CDH20: variants seen among roughly 807,000 people sequenced by gnomAD.
The protein encoded by CDH20 is cadherin 20.
CDH20 carries 29 observed loss-of-function variants against 74.2 expected under a neutral mutation model. That is an observed-to-expected ratio of 0.39 (90% CI 0.29 to 0.53). CDH20 has a LOEUF of 0.53. Ranked by LOEUF, CDH20 falls within the 20% of genes least tolerant of loss-of-function variation. The pLI, the probability that CDH20 is intolerant of heterozygous loss-of-function variation, is 0.69. For missense variants in CDH20, 988 were observed against 1,048.3 expected (o/e 0.94, Z 0.79); for synonymous variants, 469 against 405.4 (o/e 1.16, Z -1.88).
At chr18:61,510,465 C>T (rs1849324547) in intron 6 of CDH20, among the ~76,000 whole-genome samples, 2 of 152,202 alleles carry the variant, frequency 1.3e-5, no homozygotes, top group South Asian at 2.1e-4. Flanking sequence ...ACAAAAACCA[C>T]AGTTATAACA....
chr18:61,419,606 C>T (rs1291260612), intron 1 of CDH20, among the ~76,000 whole-genome samples: 1 of 152,108 alleles, frequency 6.6e-6, no homozygotes, highest in Non-Finnish European at 1.5e-5. Context: ...TGTATCTTTT[C>T]CCAATCTGAA....
intron 1 of CDH20, among the ~76,000 whole-genome samples, chr18:61,416,953 T>C (rs1043462682): frequency 1.3e-5 from 2 of 152,218 alleles, no homozygotes; most frequent in Non-Finnish European, 2.9e-5. Flanking sequence ...GTCCAAAATC[T>C]TCTCACATTT....
chr18:61,409,147 T>C (rs1401826797), intron 1 of CDH20, among the ~76,000 whole-genome samples: 1 of 152,200 alleles, frequency 6.6e-6, no homozygotes, highest in Non-Finnish European at 1.5e-5. Context: ...CTCCAACCCA[T>C]TCTGAGCATT....
At chr18:61,403,171 T>C (rs1912213257) in intron 1 of CDH20, among the ~76,000 whole-genome samples, 1 of 152,154 alleles carries the variant, frequency 6.6e-6, no homozygotes, top group African/African-American at 2.4e-5. Context: ...AGGGAAACAA[T>C]TATGAACTCA....
At position 61,353,556 on chromosome 18, in the gene CDH20, C is replaced by T. The variant is rs149692838; in HGVS notation, c.-153+19729C>T. On this transcript the variant is annotated intron_variant, in intron 1 of 11. Coordinates refer to ENST00000262717, the MANE Select transcript of CDH20 (RefSeq NM_031891.4). This position sits in a 1 kb window ranked among gnomAD's most constrained non-coding sequence, Gnocchi z 4.6. ...ACAGCTTTACTTGCTTTTGAATATCCGACAGTGTGTATCACAGTGCTTTGC... is the reference window on the plus strand; with the variant it reads ...ACAGCTTTACTTGCTTTTGAATATCTGACAGTGTGTATCACAGTGCTTTGC... 1.7e-3 allele frequency among the ~76,000 whole-genome samples: 259 copies of T among 152,262 alleles called. No individual in the cohort carries two copies. The highest frequency in any genetic ancestry group is 2.5e-3 in the Non-Finnish European group (173 of 68,026).
At chr18:61,334,487 GA>G (rs1232033236) in intron 1 of CDH20, 1 of 152,422 alleles carries the variant, frequency 6.6e-6, no homozygotes, top group African/African-American at 2.4e-5. Flanking sequence ...GGAAAGCTCT[GA>G]ATTGCGCTCG....
chr18:61,354,211 C>A (rs984868669), intron 1 of CDH20, among the ~76,000 whole-genome samples: 5 of 152,144 alleles, frequency 3.3e-5, no homozygotes, highest in Admixed American at 1.3e-4. Flanking sequence ...TTAGTGAGTG[C>A]TGGTCTCGAC....
chr18:61,407,505 G>T (rs1384382866), intron 1 of CDH20, among the ~76,000 whole-genome samples: 1 of 152,122 alleles, frequency 6.6e-6, no homozygotes, highest in Non-Finnish European at 1.5e-5. Context: ...CTTACAAAAG[G>T]CATGAATTAA....
At chr18:61,397,911 A>C (rs997675745) in intron 1 of CDH20, among the ~76,000 whole-genome samples, 9 of 152,228 alleles carry the variant, frequency 5.9e-5, no homozygotes, top group Non-Finnish European at 1.2e-4. Context: ...ATGATGCCTT[A>C]ATCGTAAGAG....
At chr18:61,513,557 T>G (rs11152298) in intron 6 of CDH20, among the ~76,000 whole-genome samples, 119,538 of 148,372 alleles carry the variant, frequency 0.81, 48,490 homozygotes, top group South Asian at 0.86. Context: ...GTTAGCTGGT[T>G]ATTTTGCTCG....
At chr18:61,447,508 G>A (rs17748357) in intron 1 of CDH20, among the ~76,000 whole-genome samples, 56,631 of 152,046 alleles carry the variant, frequency 0.37, 11,113 homozygotes, top group Admixed American at 0.51. Context: ...CAGCCAGGCA[G>A]TTGGGAGGAC....
At chr18:61,388,951 A>G (rs1370270713) in intron 1 of CDH20, among the ~76,000 whole-genome samples, 1 of 152,194 alleles carries the variant, frequency 6.6e-6, no homozygotes, top group African/African-American at 2.4e-5. Context: ...TTAAAATCAC[A>G]TCAGGTAGCA....
At chr18:61,377,244 G>C (rs1289196104) in intron 1 of CDH20, among the ~76,000 whole-genome samples, 1 of 151,944 alleles carries the variant, frequency 6.6e-6, no homozygotes, top group Non-Finnish European at 1.5e-5. Context: ...CATTTCACTG[G>C]AGAAACAGAA....
intron 1 of CDH20, among the ~76,000 whole-genome samples, chr18:61,372,732 C>G (rs934642648): frequency 1.3e-5 from 2 of 152,094 alleles, no homozygotes; most frequent in African/African-American, 2.4e-5. Context: ...TATGGATTGT[C>G]TATGTCTGCT....
intron 1 of CDH20, among the ~76,000 whole-genome samples, chr18:61,368,784 CAA>C (rs144435807): frequency 0.015 from 2,122 of 139,204 alleles, 56 homozygotes; most frequent in African/African-American, 0.052. Flanking sequence ...ATGTCAAAAA[CAA>C]AACAAAATCT....
At chr18:61,468,320 A>G (rs923312977) in intron 1 of CDH20, among the ~76,000 whole-genome samples, 42 of 152,306 alleles carry the variant, frequency 2.8e-4, no homozygotes, top group African/African-American at 9.9e-4. Context: ...CCCTAAAACA[A>G]GTATTTTTCT....
At chr18:61,538,588 G>GTTTTTT (rs1265851069) in intron 8 of CDH20, among the ~76,000 whole-genome samples, 2 of 55,124 alleles carry the variant, frequency 3.6e-5, no homozygotes, top group African/African-American at 7.5e-5. Flanking sequence ...CTTTTTGTTT[G>GTTTTTT]TTTGTTTGTT....
intron 1 of CDH20, among the ~76,000 whole-genome samples, chr18:61,431,466 G>T (rs1456049190): frequency 6.6e-6 from 1 of 152,084 alleles, no homozygotes. Context: ...TTAAAGTATG[G>T]ACTAGTTAAT....
At chr18:61,335,759 G>A (rs765313300) in intron 1 of CDH20, among the ~76,000 whole-genome samples, 2 of 152,188 alleles carry the variant, frequency 1.3e-5, no homozygotes, top group African/African-American at 2.4e-5. Flanking sequence ...TATAAAATAT[G>A]CCATTTTAAT....
Sources: allele counts gnomAD v4.1 joint callset (sites outside exome capture counted in the v4.1 genomes callset), GRCh38; gene constraint gnomAD v4.1.1; non-coding constraint Gnocchi (gnomAD v3.1); transcripts MANE v1.5; gene names NCBI Gene and HGNC (gene_info 2026-07-23, HGNC 2026-07-21).